Variants in UBA2 observed in about 807,000 individuals in gnomAD.
UBA2 encodes ubiquitin like modifier activating enzyme 2, also known as SUMO-activating enzyme subunit 2.
UBA2 carries 11 observed loss-of-function variants against 77.2 expected under a neutral mutation model. The observed-to-expected ratio is 0.14, with a 90% confidence interval of 0.09 to 0.24. UBA2 has a LOEUF of 0.24. UBA2 is among the 10% of genes least tolerant of loss of function. The pLI is 1.00. For synonymous variants in UBA2, 278 were observed against 276.7 expected (o/e 1.00, Z -0.05); for missense variants, 487 against 781.7 (o/e 0.62, Z 4.50).
At chr19:34,454,420 CTCA>C in intron 11 of UBA2, 21 bp from the exon 12 acceptor site, 1 of 1,555,224 alleles carries the variant, frequency 6.4e-7, no homozygotes, top group Non-Finnish European at 8.8e-7. Flanking sequence ...GTGAAACATA[CTCA>C]TCCTTTTTTT....
chr19:34,466,981 A>C lies in UBA2; in HGVS notation c.1708A>C (p.Ser570Arg), dbSNP rs2075694902. The C allele has an allele frequency of 6.2e-7, 1 of 1,614,142 alleles. No homozygotes were observed. Among genetic ancestry groups the C allele is most frequent in the Admixed American group, 1.7e-5 (1 of 60,018 alleles). ...EDAAKSITNG[S>R]DDGAQPSTST... ...TGCTGCCAAAAGCATAACCAATGGC[A>C]GTGATGATGGAGCTCAGCCCTCCAC... is the stretch of plus-strand genomic sequence containing the variant. The change falls in exon 16 of 17, where the codon AGT becomes CGT. Residue 570 changes from serine (S) to arginine (R), a missense_variant. Ser to Arg is a moderately radical substitution (Grantham distance 110). Coordinates refer to ENST00000246548, the MANE Select transcript of UBA2 (RefSeq NM_005499.3).
intron 6 of UBA2, among the ~76,000 whole-genome samples, chr19:34,441,371 C>T (rs1368109702): frequency 6.6e-6 from 1 of 152,018 alleles, no homozygotes; most frequent in East Asian, 1.9e-4. Context: ...AGGAGAATGG[C>T]GTGAACCCGG....
intron 8 of UBA2, among the ~76,000 whole-genome samples, chr19:34,447,772 C>G (rs551054383): frequency 1.3e-3 from 203 of 152,324 alleles, no homozygotes; most frequent in Admixed American, 6.5e-3. Context: ...TAAGTTTCAT[C>G]TAAAGGACTC....
intron 16 of UBA2, among the ~76,000 whole-genome samples, chr19:34,468,596 T>A (rs2075710643): frequency 6.6e-6 from 1 of 152,346 alleles, no homozygotes; most frequent in Non-Finnish European, 1.5e-5. Flanking sequence ...GAGTTTCCTT[T>A]CCTGGAAAGC....
chr19:34,435,675 C>A (rs1202245988), intron 5 of UBA2, among the ~76,000 whole-genome samples: 1 of 151,892 alleles, frequency 6.6e-6, no homozygotes, highest in Non-Finnish European at 1.5e-5. Context: ...ACAAAAAATA[C>A]AAAAATTAGC....
intron 12 of UBA2, among the ~76,000 whole-genome samples, chr19:34,454,943 T>G (rs145293654): frequency 5.9e-5 from 9 of 152,356 alleles, no homozygotes; most frequent in Admixed American, 5.9e-4. Flanking sequence ...AATTTTATTG[T>G]ATAGTTTTTG....
chr19:34,428,720 G>GCC (rs976889228), intron 1 of UBA2, 150 bp downstream of exon 1: 99 of 1,141,782 alleles, frequency 8.7e-5, no homozygotes, highest in Non-Finnish European at 1.0e-4. Flanking sequence ...CTCGGGTTGT[G>GCC]CCCCCCCCGC....
chr19:34,441,545 T>C (rs908661626), intron 6 of UBA2, among the ~76,000 whole-genome samples: 6 of 152,246 alleles, frequency 3.9e-5, no homozygotes, highest in African/African-American at 1.2e-4. Flanking sequence ...AAAGGGTATT[T>C]TGTAGAAACC....
At chr19:34,450,997 A>G (rs1002086661) in intron 9 of UBA2, among the ~76,000 whole-genome samples, 3 of 151,982 alleles carry the variant, frequency 2.0e-5, no homozygotes, top group Non-Finnish European at 2.9e-5. Context: ...ATGTTTAGAA[A>G]TGAAAAGTTT....
intron 4 of UBA2, among the ~76,000 whole-genome samples, chr19:34,434,528 AG>A (rs2075289449): frequency 6.6e-6 from 1 of 152,206 alleles, no homozygotes; most frequent in Non-Finnish European, 1.5e-5. Flanking sequence ...ATTATCTGCT[AG>A]TTATATTAGA....
chr19:34,462,395 T>C (rs2075641078), intron 14 of UBA2, among the ~76,000 whole-genome samples: 1 of 152,228 alleles, frequency 6.6e-6, no homozygotes, highest in Non-Finnish European at 1.5e-5. Flanking sequence ...CCACATTAAC[T>C]GGTTTTCCTT....
At chr19:34,466,840 A>G (rs772439326) in intron 15 of UBA2, 38 bp from the exon 16 acceptor site, 7 of 1,595,630 alleles carry the variant, frequency 4.4e-6, no homozygotes, top group Non-Finnish European at 6.0e-6. Flanking sequence ...TTTGCTTTCT[A>G]AATAGTCATA....
chr19:34,449,135 T>G (rs138872924), intron 8 of UBA2, among the ~76,000 whole-genome samples: 1 of 146,114 alleles, frequency 6.8e-6, no homozygotes, highest in Non-Finnish European at 1.5e-5. Context: ...AGTGGTGCGA[T>G]CTCAGCTGAC....
At chr19:34,443,742 T>C (rs988338469) in intron 6 of UBA2, 102 bp from the exon 7 acceptor site, 5 of 831,250 alleles carry the variant, frequency 6.0e-6, no homozygotes, top group Non-Finnish European at 1.0e-5. Flanking sequence ...GCCCAGCCAG[T>C]TGTTCAGTCT....
rs534405683 is a variant in UBA2, at chr19:34,444,059, T to G, written c.649+148T>G. 7.1e-4 allele frequency: 342 copies of G among 479,194 alleles called. 3 individuals are homozygous for G. Among genetic ancestry groups the G allele is most frequent in the African/African-American group, 4.8e-3 (227 of 47,726 alleles). 29.7% of individuals were successfully genotyped at this position (479,194 alleles called of 1,614,324 possible). ...TTTTTTTTTTGTTTTTTTTTTTTTT[T>G]TTTTTTTTTGTCTCAGAGGTGGAGT... On this transcript the variant is annotated intron_variant, in intron 7 of 16. Transcript: ENST00000246548.
At chr19:34,430,114 G>A (rs1340356069) in intron 1 of UBA2, 3 of 152,546 alleles carry the variant, frequency 2.0e-5, no homozygotes, top group African/African-American at 4.8e-5. Flanking sequence ...TCACTATTTT[G>A]CTTAGGCTGG....
intron 4 of UBA2, among the ~76,000 whole-genome samples, chr19:34,434,138 G>T (rs994950746): frequency 2.6e-5 from 4 of 151,886 alleles, no homozygotes; most frequent in Non-Finnish European, 4.4e-5. Context: ...TTTAAGGCTT[G>T]GGGGGTCTCA....
intron 12 of UBA2, among the ~76,000 whole-genome samples, chr19:34,458,444 C>T (rs2075593980): frequency 6.6e-6 from 1 of 151,186 alleles, no homozygotes; most frequent in Admixed American, 6.6e-5. Context: ...CCTGTAGTCC[C>T]AGCTACTCGG....
Position 34,428,496 on chromosome 19 carries a change from G to C in UBA2, c.64G>C (p.Val22Leu), listed in dbSNP as rs757823032. 2 of 1,300,974 alleles carry C rather than the reference G, an allele frequency of 1.5e-6. No individual in the cohort carries two copies. Among genetic ancestry groups the C allele is most frequent in the South Asian group, 6.7e-5 (2 of 29,796 alleles). The allele number at this position is 1,300,974 out of a possible 1,614,324, so 80.6% of individuals were successfully genotyped here. The change falls in exon 1 of 17, where the codon GTG becomes CTG. Residue 22 changes from valine (V) to leucine (L), a missense_variant. Val to Leu is a conservative substitution (Grantham distance 32). Around this residue, in one of 9 missense-constraint regions of UBA2, gnomAD observed 3 missense variants for 16.2 expected, o/e 0.18. Coordinates refer to ENST00000246548, the MANE Select transcript of UBA2 (RefSeq NM_005499.3). ...GGCGGTGGCCGGGGGCCGGGTGCTG[G>C]TGGTGGGGGCGGGCGGCATCGGCTG... Reference protein sequence around the residue: ...AEAVAGGRVLVVGAGGIGCEL... With the variant: ...AEAVAGGRVLLVGAGGIGCEL...
Sources: gnomAD v4.1 joint callset for allele counts (sites outside exome capture counted in the v4.1 genomes callset) on GRCh38, gnomAD v4.1.1 for gene constraint, gnomAD v4.1.1 regional missense constraint, MANE v1.5 for transcripts, NCBI Gene and HGNC (gene_info 2026-07-23, HGNC 2026-07-21) for gene names.